Variants in NLGN4X observed in about 807,000 individuals in gnomAD.
NLGN4X encodes the protein neuroligin-4, X-linked.
A neutral mutation model predicts 40.3 loss-of-function variants in NLGN4X; 3 were observed. The ratio of observed to expected loss-of-function variants is 0.07; its 90% CI spans 0.03 to 0.19. The LOEUF (loss-of-function observed/expected upper bound fraction) is 0.19. Among genes scored for constraint, NLGN4X ranks in the 10% least tolerant of loss-of-function variants. NLGN4X has a pLI of 1.00. For synonymous variants in NLGN4X, 270 were observed against 306.8 expected (o/e 0.88, Z 1.25); for missense variants, 382 against 708.3 (o/e 0.54, Z 5.23).
At chrX:6,194,242 G>A (rs927815330) in intron 1 of NLGN4X, among the ~76,000 whole-genome samples, 1 of 111,721 alleles carries the variant, frequency 9.0e-6, no homozygotes, top group Non-Finnish European at 1.9e-5. Flanking sequence ...TTACATTCAC[G>A]GGTATAAACC....
intron 4 of NLGN4X, among the ~76,000 whole-genome samples, chrX:5,907,093 T>A (rs998138038): frequency 9.2e-6 from 1 of 109,139 alleles, no homozygotes; most frequent in East Asian, 2.9e-4. Context: ...AAAAAAAAAA[T>A]TCCATGAAGG....
In NLGN4X at chrX:5,893,380, C is replaced by T. The variant is rs1051301935; in HGVS notation, c.1888G>A (p.Ala630Thr). The T allele has an allele frequency of 8.3e-6, 10 of 1,207,802 alleles. No individual in the cohort carries two copies. The highest frequency in any genetic ancestry group is 3.6e-5 in the African/African-American group (2 of 56,170). ...SFPYGTRRSP[A>T]KIWPTTKRPA... ...CGTTTGGTGGTTGGCCATATCTTGG[C>T]GGGAGATCGCCGGGTGCCATAGGGA... The change falls in exon 6 of 6, where the codon GCC becomes ACC. Residue 630 changes from alanine to threonine, a missense_variant. Transcript: ENST00000381095.
At chrX:5,929,634 G>T (rs2146858868) in intron 3 of NLGN4X, among the ~76,000 whole-genome samples, 1 of 112,109 alleles carries the variant, frequency 8.9e-6, no homozygotes, top group East Asian at 2.8e-4. Context: ...GAAGCTTTTG[G>T]TTAAGCTTAC....
At chrX:6,124,611 TGCCGAGGTTGCAGTGA>T (rs2039501154) in intron 2 of NLGN4X, among the ~76,000 whole-genome samples, 1 of 111,482 alleles carries the variant, frequency 9.0e-6, no homozygotes, top group Non-Finnish European at 1.9e-5. Flanking sequence ...GAAGCCAGAA[TGCCGAGGTTGCAGTGA>T]GCCGAGATCA....
intron 3 of NLGN4X, among the ~76,000 whole-genome samples, chrX:6,017,720 A>C (rs1486678971): frequency 1.8e-5 from 2 of 112,066 alleles, no homozygotes; most frequent in Non-Finnish European, 3.8e-5. Flanking sequence ...ATGCAGTACC[A>C]TAGTCTCTTT....
Position 5,903,216 on chromosome X carries a change from C to T in NLGN4X, c.1462G>A (p.Ala488Thr). Residue 488 changes from alanine (A) to threonine (T), a missense_variant, in exon 5 of 6, where the codon GCC becomes ACC. Physicochemically the swap from Ala to Thr is moderately conservative, Grantham distance 58 (BLOSUM62 0). Around this residue, in one of 5 missense-constraint regions of NLGN4X, gnomAD observed 149 missense variants for 375.8 expected, o/e 0.40. Coordinates refer to ENST00000381095, the MANE Select transcript of NLGN4X (RefSeq NM_181332.3). ...SEMKPSWADSAHGDEVPYVFG... is the reference protein window; with the variant it reads ...SEMKPSWADSTHGDEVPYVFG... ...ACATAGGGGACCTCATCACCATGGG[C>T]CGAATCTGCCCAGCTGGGCTTCATT... is the stretch of plus-strand genomic sequence containing the variant. The T allele has an allele frequency of 8.3e-7, 1 of 1,211,834 alleles. No homozygotes were observed. Among genetic ancestry groups the T allele is most frequent in the African/African-American group, 1.7e-5 (1 of 57,764 alleles).
intron 3 of NLGN4X, among the ~76,000 whole-genome samples, chrX:5,997,601 C>CATAT (rs369925416): frequency 0.062 from 5,662 of 90,660 alleles, 211 homozygotes; most frequent in Admixed American, 0.12. Context: ...TATATATACA[C>CATAT]ATATATATAT....
In NLGN4X at chrX:6,151,430, A is replaced by G; in HGVS notation, c.37T>C (p.Leu13=). ...RPQGLLWLPL[L]FTPVCVMLNS... is the part of the protein sequence containing the mutation. ...AACATGACGCAGACCGGGGTGAACA[A>G]CAAAGGAAGCCATAGCAGTCCCTGG... Residue 13 remains leucine, a synonymous_variant, in exon 2 of 6, where the codon TTG becomes CTG. Coordinates refer to ENST00000381095, the MANE Select transcript of NLGN4X (RefSeq NM_181332.3). 8.3e-7 allele frequency: 1 copy of G among 1,211,684 alleles called. No homozygotes were observed. The highest frequency in any genetic ancestry group is 1.7e-5 in the African/African-American group (1 of 57,810).
At chrX:6,007,391 T>C (rs372865650) in intron 3 of NLGN4X, among the ~76,000 whole-genome samples, 1 of 111,088 alleles carries the variant, frequency 9.0e-6, no homozygotes. Flanking sequence ...ACTATTCGGG[T>C]GATGAGTACA....
intron 3 of NLGN4X, among the ~76,000 whole-genome samples, chrX:6,017,164 G>A (rs1018506525): frequency 9.0e-6 from 1 of 111,614 alleles, no homozygotes; most frequent in South Asian, 3.8e-4. Context: ...AAGCTCAACG[G>A]GTCACTTACA....
At chrX:6,094,120 C>A (rs1013878050) in intron 2 of NLGN4X, among the ~76,000 whole-genome samples, 3 of 111,327 alleles carry the variant, frequency 2.7e-5, no homozygotes, top group Non-Finnish European at 5.7e-5. Context: ...ACAAATCTCA[C>A]TTAACACTTA....
chrX:6,039,190 C>T (rs2037096485), intron 2 of NLGN4X, among the ~76,000 whole-genome samples: 1 of 111,410 alleles, frequency 9.0e-6, no homozygotes, highest in Non-Finnish European at 1.9e-5. Flanking sequence ...GTTTCCAAGA[C>T]TGGGACTCAA....
intron 1 of NLGN4X, among the ~76,000 whole-genome samples, chrX:6,165,638 T>G (rs2040480415): frequency 9.0e-6 from 1 of 111,546 alleles, no homozygotes; most frequent in South Asian, 3.8e-4. Context: ...TATAGAATGC[T>G]CTATGCTGCA....
intron 3 of NLGN4X, among the ~76,000 whole-genome samples, chrX:5,941,210 T>TGTGTGC (rs1555925239): frequency 4.1e-5 from 4 of 97,540 alleles, no homozygotes; most frequent in Admixed American, 1.1e-4. Flanking sequence ...TGTGTGTGTG[T>TGTGTGC]GTGTGTGTGT....
intron 2 of NLGN4X, among the ~76,000 whole-genome samples, chrX:6,044,071 C>G: frequency 9.8e-6 from 1 of 101,731 alleles, no homozygotes; most frequent in Non-Finnish European, 2.0e-5. Context: ...AGTTTGAGAC[C>G]AGTCTAGGAA....
intron 3 of NLGN4X, among the ~76,000 whole-genome samples, chrX:5,973,120 C>T (rs1002802080): frequency 1.8e-5 from 2 of 112,355 alleles, no homozygotes; most frequent in South Asian, 7.3e-4. Flanking sequence ...AGATGAACAG[C>T]CTAACTCATA....
intron 1 of NLGN4X, among the ~76,000 whole-genome samples, chrX:6,181,934 T>A: frequency 9.0e-6 from 1 of 111,636 alleles, no homozygotes; most frequent in East Asian, 2.8e-4. Context: ...GGGTACTCTT[T>A]TGGATACATG....
intron 3 of NLGN4X, among the ~76,000 whole-genome samples, chrX:5,981,461 T>C (rs1269821845): frequency 2.0e-5 from 2 of 98,563 alleles, no homozygotes; most frequent in African/African-American, 3.7e-5. Flanking sequence ...GTGTTTCATG[T>C]CTACCAAATT....
intron 3 of NLGN4X, among the ~76,000 whole-genome samples, chrX:5,975,559 G>A (rs1176064645): frequency 1.9e-5 from 2 of 103,666 alleles, no homozygotes; most frequent in South Asian, 4.5e-4. Flanking sequence ...GTTGCAGTGA[G>A]CTGAGATGGC....
Sources: allele counts gnomAD v4.1 joint callset (sites outside exome capture counted in the v4.1 genomes callset), GRCh38; gene constraint gnomAD v4.1.1; regional missense constraint gnomAD v4.1.1; transcripts MANE v1.5; gene names NCBI Gene and HGNC (gene_info 2026-07-23, HGNC 2026-07-21).